Variants in TNRC18 observed in about 807,000 individuals in gnomAD.
TNRC18 encodes the protein trinucleotide repeat-containing gene 18 protein.
In TNRC18, 69 loss-of-function variants were observed where a neutral mutation model predicts 226.7. That is an observed-to-expected ratio of 0.30 (90% confidence interval 0.25 to 0.37). The LOEUF (loss-of-function observed/expected upper bound fraction) is 0.37, where lower values mean the gene tolerates loss of function less well. Ranked by LOEUF, TNRC18 falls within the 10% of genes least tolerant of loss-of-function variation. The probability of loss-of-function intolerance (pLI) is 1.00; values close to 1 mark genes in which losing one functional copy is unlikely to be tolerated. For synonymous variants in TNRC18, 2,449 were observed against 1,927.6 expected, an observed-to-expected ratio of 1.27 and a Z score of -7.09; for missense variants, 4,754 against 4,256.6, an observed-to-expected ratio of 1.12 and a Z score of -3.25.
intron 2 of TNRC18, among the ~76,000 whole-genome samples, chr7:5,397,916 A>G (rs961930943): frequency 6.6e-6 from 1 of 152,092 alleles, no homozygotes; most frequent in African/African-American, 2.4e-5. Context: ...ACTTCCTGCC[A>G]TATCACAGTG....
chr7:5,357,534 C>T (rs1246274280), intron 15 of TNRC18, among the ~76,000 whole-genome samples: 1 of 152,202 alleles, frequency 6.6e-6, no homozygotes, highest in African/African-American at 2.4e-5. Context: ...GCCTCAGGCT[C>T]CCGACTAGCT....
chr7:5,417,285 T>G (rs953191510), intron 2 of TNRC18, among the ~76,000 whole-genome samples: 1 of 152,078 alleles, frequency 6.6e-6, no homozygotes, highest in African/African-American at 2.4e-5. Flanking sequence ...CGGGGCAACA[T>G]AGCAAGACCC....
At chr7:5,333,996 G>C (rs926124840) in intron 18 of TNRC18, among the ~76,000 whole-genome samples, 1 of 152,214 alleles carries the variant, frequency 6.6e-6, no homozygotes, top group African/African-American at 2.4e-5. Context: ...AAGAGTGTGA[G>C]TGAGGCGTAG....
intron 5 of TNRC18, among the ~76,000 whole-genome samples, chr7:5,379,501 C>A (rs1779248699): frequency 6.6e-6 from 1 of 151,256 alleles, no homozygotes; most frequent in Non-Finnish European, 1.5e-5. Flanking sequence ...TGCTACCGGG[C>A]TCACCCATCC....
intron 19 of TNRC18, 175 bp from the exon 20 acceptor site, chr7:5,325,423 T>G (rs1788805024): frequency 1.5e-6 from 1 of 665,486 alleles, no homozygotes. Context: ...TTTGGGTTTT[T>G]TTTTGTTTTT....
Position 5,313,294 on chromosome 7 carries a change from G to T in TNRC18, c.7597C>A (p.Leu2533Ile), listed in dbSNP as rs1475223694. ...GDLAQEPGPG[L>I]TFEDSGNPKS... ...GGGTTCCCAGAGTCCTCGAACGTGA[G>T]CCCCGGCCCGGGCTCCTGGGCGAGG... Residue 2533 changes from leucine (L) to isoleucine (I), a missense_variant, in exon 27 of 30, where the codon CTC becomes ATC. Coordinates refer to ENST00000430969, the MANE Select transcript of TNRC18 (RefSeq NM_001080495.3). The T allele has an allele frequency of 1.3e-6, 2 of 1,548,480 alleles. No individual in the cohort carries two copies. The highest frequency in any genetic ancestry group is 1.2e-5 in the South Asian group (1 of 83,974).
rs1779993340 is a variant in TNRC18 at position 5,388,471 on chromosome 7, G to A, written c.1353C>T (p.Arg451=). The A allele has an allele frequency of 2.1e-6, 3 of 1,422,522 alleles. No individual in the cohort carries two copies. The highest frequency in any genetic ancestry group is 1.4e-5 in the South Asian group (1 of 69,898). The allele number at this position is 1,422,522 out of a possible 1,614,324, so 88.1% of individuals were successfully genotyped here. ...CGTAGGCGCGGGGGTCCGGGGAGGC[G>A]CGTGTGGCCCGCACCGTGGGGGCAT... ...PADAPTVRAT[R]ASPDPRAYVP... Residue 451 remains arginine, a synonymous_variant, in exon 5 of 30, where the codon CGC becomes CGT. Coordinates refer to ENST00000430969, the MANE Select transcript of TNRC18 (RefSeq NM_001080495.3).
intron 21 of TNRC18, among the ~76,000 whole-genome samples, chr7:5,322,374 C>G (rs1430566274): frequency 2.0e-5 from 3 of 152,138 alleles, no homozygotes; most frequent in Admixed American, 6.6e-5. Context: ...TCATAGCTCA[C>G]TGCAGCCTGG....
intron 27 of TNRC18, among the ~76,000 whole-genome samples, chr7:5,310,603 C>T (rs7791320): frequency 0.31 from 46,319 of 151,698 alleles, 8,060 homozygotes; most frequent in African/African-American, 0.46. Flanking sequence ...GGCACAATCA[C>T]AGCTCACTGC....
intron 5 of TNRC18, among the ~76,000 whole-genome samples, chr7:5,387,406 G>C (rs1254618420): frequency 6.6e-6 from 1 of 152,242 alleles, no homozygotes; most frequent in Non-Finnish European, 1.5e-5. Context: ...ATGACTGAAA[G>C]TATCACGAAG....
At chr7:5,335,948 T>A (rs986243762) in intron 18 of TNRC18, among the ~76,000 whole-genome samples, 1 of 150,994 alleles carries the variant, frequency 6.6e-6, no homozygotes, top group Non-Finnish European at 1.5e-5. Context: ...GGCTCACACC[T>A]ATAATCCCAG....
At chr7:5,357,773 C>T (rs1464450640) in intron 15 of TNRC18, among the ~76,000 whole-genome samples, 1 of 152,138 alleles carries the variant, frequency 6.6e-6, no homozygotes, top group African/African-American at 2.4e-5. Flanking sequence ...CCAGGCTGAC[C>T]ACGACTGGCC....
chr7:5,341,592 C>G (rs1012192762), intron 18 of TNRC18, among the ~76,000 whole-genome samples: 3 of 151,408 alleles, frequency 2.0e-5, no homozygotes, highest in African/African-American at 7.3e-5. Context: ...GGGGAAACCC[C>G]GTTTCTACCA....
intron 24 of TNRC18, among the ~76,000 whole-genome samples, chr7:5,317,328 G>A (rs1049595250): frequency 1.2e-4 from 19 of 152,142 alleles, no homozygotes; most frequent in Admixed American, 3.9e-4. Flanking sequence ...AGTGGCTCAC[G>A]CCTGTAATCC....
rs544410117 is a variant in TNRC18, at chr7:5,377,540, G to A, written c.2292C>T (p.His764=). ...GGCCGTTAGGAGCACAGCTGGTAGG[G>A]TGCAGGCGGGCCAGGTCAGCCAGCT... The part of the protein sequence containing the change: ...SKELADLARL[H]PTSCAPNGLN... Residue 764 remains histidine, a synonymous_variant, in exon 7 of 30, where the codon CAC becomes CAT. Coordinates refer to ENST00000430969, the MANE Select transcript of TNRC18 (RefSeq NM_001080495.3). The surrounding 1 kb of genome is among the most constrained non-coding windows in gnomAD (Gnocchi z 5.8). The A allele has an allele frequency of 8.8e-6, 14 of 1,590,306 alleles. No homozygotes were observed. The highest frequency in any genetic ancestry group is 3.3e-4 in the Middle Eastern group (2 of 6,028).
rs1295528473 is a variant in TNRC18 at position 5,388,203 on chromosome 7, C to T, written c.1621G>A (p.Val541Met). The change falls in exon 5 of 30, where the codon GTG becomes ATG. Residue 541 changes from valine (V) to methionine (M), a missense_variant. By Grantham distance (21) the Val-to-Met change is conservative (BLOSUM62 1). Transcript: ENST00000430969. Reference protein sequence around the residue: ...HHSRAEEEAAVVAASSSKKAY... With the variant: ...HHSRAEEEAAMVAASSSKKAY... ...TTCTTGGAGGAGGAGGCAGCGACCA[C>T]GGCGGCCTCCTCTTCGGCGCGGCTG... 5.0e-6 allele frequency: 8 copies of T among 1,594,902 alleles called. No individual in the cohort carries two copies. Among genetic ancestry groups the T allele is most frequent in the South Asian group, 2.3e-5 (2 of 88,500 alleles).
At position 5,308,169 on chromosome 7, in the gene TNRC18, C is replaced by G; in HGVS notation, c.8844G>C (p.Ala2948=). Residue 2948 remains alanine, a synonymous_variant, in exon 30 of 30, where the codon GCG becomes GCC. Transcript: ENST00000430969. ...TGCCCGTGGTGGGCTCGTAGGTGCCCGCGAGGTAGTACAGGCCCTCGCTGT... is the reference window on the plus strand; with the variant it reads ...TGCCCGTGGTGGGCTCGTAGGTGCCGGCGAGGTAGTACAGGCCCTCGCTGT... ...YQDSEGLYYL[A]GTYEPTTGMI... 4 of 1,587,224 alleles carry G rather than the reference C, an allele frequency of 2.5e-6. No individual in the cohort carries two copies. Among genetic ancestry groups the G allele is most frequent in the East Asian group, 2.3e-5 (1 of 43,462 alleles).
At chr7:5,409,233 GAA>G (rs1781683108) in intron 2 of TNRC18, among the ~76,000 whole-genome samples, 1 of 150,564 alleles carries the variant, frequency 6.6e-6, no homozygotes, top group South Asian at 2.2e-4. Context: ...AGAGAAAAGA[GAA>G]AAAAGACTCA....
intron 26 of TNRC18, 68 bp downstream of exon 26, chr7:5,314,916 A>C: frequency 6.7e-7 from 1 of 1,494,146 alleles, no homozygotes; most frequent in Non-Finnish European, 9.0e-7. Flanking sequence ...GCAGGTTCCC[A>C]AGCCCTGAGT....
Sources: allele counts gnomAD v4.1 joint callset (sites outside exome capture counted in the v4.1 genomes callset), GRCh38; gene constraint gnomAD v4.1.1; non-coding constraint Gnocchi (gnomAD v3.1); transcripts MANE v1.5; gene names NCBI Gene and HGNC (gene_info 2026-07-23, HGNC 2026-07-21).